Variants in ATAD2B observed in about 807,000 individuals in gnomAD.
ATAD2B encodes the protein ATPase family AAA domain-containing protein 2B.
Under a neutral mutation model 167.6 loss-of-function variants are expected in ATAD2B, and 40 were observed. That is an observed-to-expected ratio of 0.24 (90% CI 0.19 to 0.31). The LOEUF (loss-of-function observed/expected upper bound fraction) is 0.31. Among genes scored for constraint, ATAD2B ranks in the 10% least tolerant of loss-of-function variants. The pLI is 1.00. For synonymous variants in ATAD2B, 579 were observed against 596.5 expected, an observed-to-expected ratio of 0.97 and a Z score of 0.43; for missense variants, 1,242 against 1,757.2, an observed-to-expected ratio of 0.71 and a Z score of 5.24.
intron 19 of ATAD2B, among the ~76,000 whole-genome samples, chr2:23,790,316 G>A (rs1025169132): frequency 6.6e-6 from 1 of 152,090 alleles, no homozygotes; most frequent in Non-Finnish European, 1.5e-5. Flanking sequence ...ACCTTGCAAG[G>A]GGTGAAAAGA....
At chr2:23,771,444 C>CA (rs1344264176) in intron 22 of ATAD2B, among the ~76,000 whole-genome samples, 2 of 152,170 alleles carry the variant, frequency 1.3e-5, no homozygotes, top group African/African-American at 2.4e-5. Context: ...TTGTAGACAT[C>CA]ATTTATCACT....
chr2:23,857,722 T>A (rs897299394), intron 12 of ATAD2B, among the ~76,000 whole-genome samples: 2 of 149,772 alleles, frequency 1.3e-5, no homozygotes, highest in Non-Finnish European at 3.0e-5. Context: ...TACATACTTA[T>A]ACACAAACCA....
the ATAD2B span, among the ~76,000 whole-genome samples, chr2:23,694,862 C>G: frequency 6.6e-5 from 10 of 152,188 alleles, no homozygotes; most frequent in Admixed American, 5.2e-4. Flanking sequence ...AGACACTCCT[C>G]TTGCCCCTCG....
intron 11 of ATAD2B, among the ~76,000 whole-genome samples, 163 bp downstream of exon 11, chr2:23,864,646 C>T (rs888747396): frequency 4.6e-5 from 7 of 152,144 alleles, no homozygotes; most frequent in Non-Finnish European, 7.4e-5. Flanking sequence ...TACTTAGTTC[C>T]ATGGCCTCTG....
intron 24 of ATAD2B, among the ~76,000 whole-genome samples, chr2:23,758,676 T>C (rs998682914): frequency 6.6e-6 from 1 of 152,220 alleles, no homozygotes; most frequent in African/African-American, 2.4e-5. Context: ...GAAGGTTATT[T>C]GGACAATTTG....
the ATAD2B span, among the ~76,000 whole-genome samples, chr2:23,682,664 GCTCCTGCACC>G: frequency 6.6e-6 from 1 of 151,746 alleles, no homozygotes; most frequent in Non-Finnish European, 1.5e-5. The surrounding 1 kb of genome is among the most constrained non-coding windows in gnomAD (Gnocchi z 4.1). Flanking sequence ...GCCCCCTCGT[GCTCCTGCACC>G]CTCCCACACC....
intron 14 of ATAD2B, among the ~76,000 whole-genome samples, 199 bp from the exon 15 acceptor site, chr2:23,829,138 T>C (rs1298867183): frequency 9.3e-6 from 1 of 107,908 alleles, no homozygotes; most frequent in East Asian, 2.7e-4. Flanking sequence ...GGGAGATATG[T>C]AGTAGAGATC....
the ATAD2B span, among the ~76,000 whole-genome samples, chr2:23,686,822 C>A: frequency 1.3e-5 from 2 of 152,102 alleles, no homozygotes; most frequent in African/African-American, 4.8e-5. Flanking sequence ...ACAGTAAGGT[C>A]ACACAGGAAA....
intron 8 of ATAD2B, chr2:23,872,325 C>A: frequency 5.2e-6 from 3 of 576,286 alleles, no homozygotes; most frequent in South Asian, 3.0e-5. Context: ...ACTGCATGCA[C>A]CTGATGGTCT....
chr2:23,902,757 T>C (rs1233622136), intron 1 of ATAD2B, among the ~76,000 whole-genome samples: 10 of 152,012 alleles, frequency 6.6e-5, no homozygotes, highest in African/African-American at 2.4e-5. Context: ...AAGGCAGTGG[T>C]AAAAAAGATG....
intron 22 of ATAD2B, among the ~76,000 whole-genome samples, chr2:23,781,317 T>C (rs965405678): frequency 4.0e-5 from 6 of 150,902 alleles, no homozygotes; most frequent in African/African-American, 1.2e-4. Flanking sequence ...AACATGAACA[T>C]TGTCCTGACC....
the ATAD2B span, among the ~76,000 whole-genome samples, chr2:23,741,380 G>A: frequency 1.3e-5 from 2 of 152,120 alleles, no homozygotes; most frequent in South Asian, 2.1e-4. Context: ...ACAGAACACA[G>A]CCCTCAGAAA....
chr2:23,892,143 A>G (rs1202760073), intron 2 of ATAD2B, among the ~76,000 whole-genome samples: 1 of 152,138 alleles, frequency 6.6e-6, no homozygotes, highest in Admixed American at 6.6e-5. Flanking sequence ...CAAGCATGCT[A>G]CATTTCAGTA....
chr2:23,917,371 T>C (rs1335346954), intron 1 of ATAD2B, among the ~76,000 whole-genome samples: 2 of 152,258 alleles, frequency 1.3e-5, no homozygotes, highest in Non-Finnish European at 2.9e-5. Flanking sequence ...TTTAATTTAC[T>C]AATGCAAATC....
chr2:23,719,023 CAT>C, the ATAD2B span, among the ~76,000 whole-genome samples: 1 of 152,190 alleles, frequency 6.6e-6, no homozygotes. Context: ...CATAAAACAA[CAT>C]ATTCACAGGT....
intron 19 of ATAD2B, among the ~76,000 whole-genome samples, chr2:23,796,736 C>T (rs1434188741): frequency 6.6e-6 from 1 of 152,132 alleles, no homozygotes; most frequent in Non-Finnish European, 1.5e-5. Flanking sequence ...CAGCTGCATT[C>T]CTACTTTATA....
intron 10 of ATAD2B, among the ~76,000 whole-genome samples, chr2:23,866,967 T>C (rs906443301): frequency 2.6e-5 from 4 of 152,180 alleles, no homozygotes; most frequent in Non-Finnish European, 4.4e-5. Context: ...GTGCCTGTTT[T>C]TGTGCTATGT....
intron 16 of ATAD2B, among the ~76,000 whole-genome samples, chr2:23,822,864 C>G (rs2339926): frequency 0.13 from 17,857 of 135,104 alleles, 1,134 homozygotes; most frequent in Middle Eastern, 0.29. Context: ...TTGCAGTAAG[C>G]CAAGACTGCG....
At chr2:23,863,916 G>A (rs564605780) in intron 11 of ATAD2B, among the ~76,000 whole-genome samples, 20 of 152,054 alleles carry the variant, frequency 1.3e-4, no homozygotes, top group African/African-American at 4.3e-4. Context: ...CCTTAAAAAC[G>A]TGAAAAATAA....
Sources: gnomAD v4.1 joint callset for allele counts (sites outside exome capture counted in the v4.1 genomes callset) on GRCh38, gnomAD v4.1.1 for gene constraint, Gnocchi (gnomAD v3.1) non-coding constraint, MANE v1.5 for transcripts, NCBI Gene and HGNC (gene_info 2026-07-23, HGNC 2026-07-21) for gene names.